The following EVA1A variants were observed in gnomAD, a reference collection of about 807,000 sequenced individuals.
The protein encoded by EVA1A is eva-1 homolog A, regulator of programmed cell death, also known as protein eva-1 homolog A.
In EVA1A, 7 loss-of-function variants were observed where a neutral mutation model predicts 9.8. The ratio of observed to expected loss-of-function variants is 0.71; its 90% CI spans 0.41 to 1.34. EVA1A has a LOEUF of 1.34. Among genes scored for constraint, EVA1A ranks in the 40% most tolerant of loss-of-function variants. The probability of loss-of-function intolerance (pLI) is 0.01; values close to 1 mark genes in which losing one functional copy is unlikely to be tolerated. For synonymous variants in EVA1A, 90 were observed against 85.6 expected, an observed-to-expected ratio of 1.05 and a Z score of -0.28; for missense variants, 206 against 205.9, an observed-to-expected ratio of 1.00 and a Z score of 0.00.
intron 1 of EVA1A, among the ~76,000 whole-genome samples, chr2:75,535,952 C>A (rs1000562806): frequency 5.3e-5 from 8 of 152,154 alleles, no homozygotes; most frequent in Admixed American, 5.2e-4. Context: ...TTAAAAAAAA[C>A]CATGTCCCAA....
intron 1 of EVA1A, among the ~76,000 whole-genome samples, chr2:75,551,362 G>A (rs559343344): frequency 3.3e-5 from 5 of 152,184 alleles, no homozygotes; most frequent in South Asian, 4.2e-4. Context: ...TCACCAAGTC[G>A]TCAATAGCTT....
chr2:75,543,802 GC>G (rs1676225618), intron 1 of EVA1A, among the ~76,000 whole-genome samples: 1 of 152,120 alleles, frequency 6.6e-6, no homozygotes, highest in African/African-American at 2.4e-5. Flanking sequence ...GGAGGTGAAA[GC>G]CCTGACCTGG....
In EVA1A at chr2:75,547,141, T is replaced by G. The variant is rs564337665; in HGVS notation, c.-192+13539A>C. 1.1e-3 allele frequency among the ~76,000 whole-genome samples: 163 copies of G among 152,310 alleles called. 1 individual carries two copies. The highest frequency in any genetic ancestry group is 1.9e-3 in the Non-Finnish European group (130 of 68,024). On this transcript the variant is annotated intron_variant, in intron 1 of 3. Transcript: ENST00000393913. ...ACACAGGCTGGCAGTTAAAACAGAT[T>G]AACACTTGCAGCCGACTTTGGTATT...
At chr2:75,519,884 A>G (rs1385632876) in intron 2 of EVA1A, among the ~76,000 whole-genome samples, 1 of 152,078 alleles carries the variant, frequency 6.6e-6, no homozygotes, top group African/African-American at 2.4e-5. Flanking sequence ...TTTTGCAACA[A>G]TCTCCTACCT....
At chr2:75,513,774 T>C (rs1431300198) in intron 3 of EVA1A, among the ~76,000 whole-genome samples, 1 of 152,178 alleles carries the variant, frequency 6.6e-6, no homozygotes. Flanking sequence ...CTGAGTAAAA[T>C]AAGCCAGACA....
At chr2:75,529,166 G>A (rs186557891) in intron 1 of EVA1A, among the ~76,000 whole-genome samples, 76 of 152,288 alleles carry the variant, frequency 5.0e-4, no homozygotes, top group African/African-American at 1.8e-3. Flanking sequence ...CCAGCCTGGA[G>A]CACGGTAGTT....
At chr2:75,505,035 G>A (rs1209568039) in intron 3 of EVA1A, among the ~76,000 whole-genome samples, 1 of 152,100 alleles carries the variant, frequency 6.6e-6, no homozygotes, top group East Asian at 1.9e-4. Context: ...AGCATCCATT[G>A]CCCTGCCCCT....
chr2:75,497,371 A>G (rs1320035397), intron 3 of EVA1A, among the ~76,000 whole-genome samples: 1 of 152,222 alleles, frequency 6.6e-6, no homozygotes, highest in Non-Finnish European at 1.5e-5. Flanking sequence ...AGCACAGGAC[A>G]TGAAAAGACA....
chr2:75,557,979 C>T (rs1044610068), intron 1 of EVA1A, among the ~76,000 whole-genome samples: 17 of 152,234 alleles, frequency 1.1e-4, no homozygotes, highest in African/African-American at 3.1e-4. Context: ...GCCCTTTACC[C>T]GCATAGTGTA....
intron 1 of EVA1A, among the ~76,000 whole-genome samples, chr2:75,522,707 T>A (rs1016691849): frequency 6.6e-6 from 1 of 152,216 alleles, no homozygotes; most frequent in Non-Finnish European, 1.5e-5. Flanking sequence ...CCCAGGGTCA[T>A]ACCAGAAAGG....
intron 1 of EVA1A, among the ~76,000 whole-genome samples, chr2:75,525,385 C>A (rs1054839565): frequency 4.6e-5 from 7 of 152,212 alleles, no homozygotes; most frequent in Non-Finnish European, 8.8e-5. Flanking sequence ...TTTCCTCTTT[C>A]CATTTCTTCC....
chr2:75,558,215 G>A (rs1317340453), intron 1 of EVA1A, among the ~76,000 whole-genome samples: 3 of 152,224 alleles, frequency 2.0e-5, no homozygotes, highest in Admixed American at 1.3e-4. Flanking sequence ...TAGGCACTCA[G>A]TATTAAGATG....
chr2:75,506,039 T>A (rs1197621983), intron 3 of EVA1A, among the ~76,000 whole-genome samples: 1 of 152,174 alleles, frequency 6.6e-6, no homozygotes, highest in African/African-American at 2.4e-5. Context: ...ACACTTCACA[T>A]GTACACAGCA....
intron 1 of EVA1A, among the ~76,000 whole-genome samples, chr2:75,531,604 A>G (rs2422171): frequency 0.23 from 34,354 of 151,924 alleles, 4,072 homozygotes; most frequent in East Asian, 0.29. Context: ...AAATAATGGC[A>G]TTCTTAGCAA....
chr2:75,541,099 G>A (rs1284867485), intron 1 of EVA1A, among the ~76,000 whole-genome samples: 1 of 152,182 alleles, frequency 6.6e-6, no homozygotes, highest in African/African-American at 2.4e-5. Flanking sequence ...TGCAGAGAGG[G>A]CCAGGGCCCC....
At chr2:75,498,675 G>C (rs954309037) in intron 3 of EVA1A, among the ~76,000 whole-genome samples, 3 of 152,186 alleles carry the variant, frequency 2.0e-5, no homozygotes, top group Non-Finnish European at 4.4e-5. Context: ...TTAGCTTAAT[G>C]TCTCACCATT....
chr2:75,500,803 CAG>C (rs1674389472), intron 3 of EVA1A, among the ~76,000 whole-genome samples: 1 of 151,572 alleles, frequency 6.6e-6, no homozygotes, highest in African/African-American at 2.4e-5. Context: ...GCCCAATGCC[CAG>C]AGTCATTTTT....
At chr2:75,520,969 C>T (rs996723673) in intron 2 of EVA1A, among the ~76,000 whole-genome samples, 3 of 152,096 alleles carry the variant, frequency 2.0e-5, no homozygotes, top group African/African-American at 7.2e-5. Flanking sequence ...ATCCAGACTG[C>T]TACCTATCCT....
At chr2:75,521,893 A>C (rs933865750) in intron 2 of EVA1A, among the ~76,000 whole-genome samples, 22 of 152,224 alleles carry the variant, frequency 1.4e-4, no homozygotes, top group Admixed American at 1.4e-3. Context: ...TTTGAAGGTT[A>C]CTTTATTTAA....
Sources: allele counts gnomAD v4.1 joint callset (sites outside exome capture counted in the v4.1 genomes callset), GRCh38; gene constraint gnomAD v4.1.1; transcripts MANE v1.5; gene names NCBI Gene and HGNC (gene_info 2026-07-23, HGNC 2026-07-21).